DMD: variants seen among roughly 807,000 people sequenced by gnomAD.
DMD encodes the protein dystrophin.
Under a neutral mutation model 330.1 loss-of-function variants are expected in DMD, and 63 were observed. The observed-to-expected ratio is 0.19, with a 90% CI of 0.16 to 0.24. The LOEUF is 0.24. Among genes scored for constraint, DMD ranks in the 10% least tolerant of loss-of-function variants. The pLI is 1.00. For synonymous variants in DMD, 1,223 were observed against 959.8 expected, an observed-to-expected ratio of 1.27 and a Z score of -5.07; for missense variants, 3,344 against 2,684.1, an observed-to-expected ratio of 1.25 and a Z score of -5.43.
intron 55 of DMD, among the ~76,000 whole-genome samples, chrX:31,539,228 C>G (rs2073639279): frequency 9.0e-6 from 1 of 111,398 alleles, no homozygotes; most frequent in African/African-American, 3.3e-5. Flanking sequence ...GAAACGGAAG[C>G]CATTCACGTA....
At chrX:32,460,095 A>G (rs2098377892) in intron 25 of DMD, among the ~76,000 whole-genome samples, 1 of 108,627 alleles carries the variant, frequency 9.2e-6, no homozygotes, top group Admixed American at 9.7e-5. Context: ...AAAAGAAGAA[A>G]AAAATGGCCA....
chrX:32,372,253 T>A (rs987880114), intron 34 of DMD, among the ~76,000 whole-genome samples: 1 of 112,195 alleles, frequency 8.9e-6, no homozygotes, highest in African/African-American at 3.2e-5. Flanking sequence ...TAAACAGATA[T>A]TTCATGAGTA....
At chrX:31,674,372 G>C (rs376167469) in intron 53 of DMD, among the ~76,000 whole-genome samples, 3 of 112,450 alleles carry the variant, frequency 2.7e-5, no homozygotes, top group East Asian at 2.8e-4. Flanking sequence ...TAGAATGTCT[G>C]TGTTTCAAGT....
intron 1 of DMD, among the ~76,000 whole-genome samples, chrX:33,107,288 G>C (rs1201706825): frequency 1.1e-5 from 1 of 94,493 alleles, no homozygotes; most frequent in Non-Finnish European, 2.1e-5. Context: ...CTCCAGCCTC[G>C]GCAACAAGAG....
intron 17 of DMD, among the ~76,000 whole-genome samples, chrX:32,533,423 C>T (rs1339797173): frequency 8.9e-6 from 1 of 111,972 alleles, no homozygotes; most frequent in African/African-American, 3.2e-5. Flanking sequence ...CTTTCCCCTG[C>T]AATGAATTGT....
chrX:32,358,932 T>G (rs1024986083), intron 37 of DMD, among the ~76,000 whole-genome samples: 2 of 112,255 alleles, frequency 1.8e-5, no homozygotes, highest in African/African-American at 6.5e-5. Context: ...TTACATAATT[T>G]GATCCTCATT....
intron 37 of DMD, among the ~76,000 whole-genome samples, chrX:32,351,933 G>GTTCAATGTGTAGGGTCTAAATTT (rs2097783021): frequency 1.8e-5 from 2 of 110,771 alleles, no homozygotes; most frequent in African/African-American, 6.5e-5. Flanking sequence ...TGGAAACTTA[G>GTTCAATGTGTAGGGTCTAAATTT]ACTTCTTTAG....
chrX:31,817,547 T>C (rs1235680529), intron 50 of DMD, among the ~76,000 whole-genome samples: 1 of 111,259 alleles, frequency 9.0e-6, no homozygotes, highest in Non-Finnish European at 1.9e-5. Flanking sequence ...CTAAAGAGGA[T>C]GAAAAGCACC....
At chrX:33,006,847 C>G (rs2093407192) in intron 2 of DMD, among the ~76,000 whole-genome samples, 1 of 111,495 alleles carries the variant, frequency 9.0e-6, no homozygotes, top group Non-Finnish European at 1.9e-5. Context: ...ACCAAACTCT[C>G]TCTTGCAATA....
intron 44 of DMD, among the ~76,000 whole-genome samples, chrX:31,989,198 T>C (rs2095532478): frequency 9.0e-6 from 1 of 111,570 alleles, no homozygotes; most frequent in African/African-American, 3.3e-5. Flanking sequence ...CTGATTCAAA[T>C]GTGAATCTCT....
chrX:32,559,452 G>A (rs2050746417), intron 16 of DMD, among the ~76,000 whole-genome samples: 1 of 111,038 alleles, frequency 9.0e-6, no homozygotes, highest in Non-Finnish European at 1.9e-5. Context: ...GAGCTTTCAG[G>A]AAGCAATGAA....
chrX:33,036,474 T>C (rs987968050), intron 1 of DMD, among the ~76,000 whole-genome samples: 3 of 110,744 alleles, frequency 2.7e-5, no homozygotes, highest in African/African-American at 9.8e-5. Flanking sequence ...TGAAAAATGG[T>C]CTCATAATTT....
intron 44 of DMD, among the ~76,000 whole-genome samples, chrX:32,162,728 G>A (rs991772926): frequency 7.7e-5 from 8 of 103,386 alleles, no homozygotes; most frequent in Non-Finnish European, 1.4e-4. Flanking sequence ...GTGCCACAAC[G>A]CCCAGCTAAC....
chrX:31,126,625 G>C lies in DMD; in HGVS notation c.11046+17C>G. 1 of 1,194,476 alleles carries C rather than the reference G, an allele frequency of 8.4e-7. No homozygotes were observed. The highest frequency in any genetic ancestry group is 1.1e-6 in the Non-Finnish European group (1 of 880,260). On this transcript the variant is annotated intron_variant, in intron 78 of 78. Coordinates refer to ENST00000357033, the MANE Select transcript of DMD (RefSeq NM_004006.3). ...AGACAGACAGAAGCCATGGCCGTGA[G>C]CCTGAATCTCACTAACCTCTCTCAT...
chrX:32,509,133 G>A (rs1180299442), intron 18 of DMD, among the ~76,000 whole-genome samples: 1 of 103,781 alleles, frequency 9.6e-6, no homozygotes, highest in African/African-American at 3.5e-5. Context: ...TGACACAAGA[G>A]ATGATGAGAG....
intron 42 of DMD, among the ~76,000 whole-genome samples, chrX:32,300,455 G>C (rs759775841): frequency 6.4e-4 from 71 of 111,046 alleles, no homozygotes; most frequent in African/African-American, 2.2e-3. Flanking sequence ...AGATGCCACA[G>C]AGCATCAACA....
chrX:32,974,043 C>T (rs911016074), intron 2 of DMD, among the ~76,000 whole-genome samples: 3 of 111,262 alleles, frequency 2.7e-5, no homozygotes, highest in African/African-American at 9.8e-5. Context: ...TACGAATACC[C>T]GTAAACTGGT....
At chrX:32,560,537 C>T (rs2050875373) in intron 16 of DMD, among the ~76,000 whole-genome samples, 1 of 109,741 alleles carries the variant, frequency 9.1e-6, no homozygotes, top group Non-Finnish European at 1.9e-5. Context: ...ACCTACAGAC[C>T]CATTAGGTAG....
At chrX:32,312,427 T>C (rs1268438853) in intron 41 of DMD, among the ~76,000 whole-genome samples, 2 of 111,386 alleles carry the variant, frequency 1.8e-5, no homozygotes, top group African/African-American at 6.5e-5. Flanking sequence ...TGGTGCTTAA[T>C]AAATATAGTA....
Sources: gnomAD v4.1 joint callset for allele counts (sites outside exome capture counted in the v4.1 genomes callset) on GRCh38, gnomAD v4.1.1 for gene constraint, MANE v1.5 for transcripts, NCBI Gene and HGNC (gene_info 2026-07-23, HGNC 2026-07-21) for gene names.